Variants in UST observed in about 807,000 individuals in gnomAD.
UST encodes chondroitin sulfate 2-O-sulfotransferase.
Under a neutral mutation model 45.6 loss-of-function variants are expected in UST, and 21 were observed. The ratio of observed to expected loss-of-function variants is 0.46; its 90% confidence interval spans 0.33 to 0.66. The LOEUF is 0.66. Ranked by LOEUF, UST falls within the 30% of genes least tolerant of loss-of-function variation. The pLI, the probability that UST is intolerant of heterozygous loss-of-function variation, is 0.02. For missense variants in UST, 463 were observed against 512.4 expected (o/e 0.90, Z 0.93); for synonymous variants, 215 against 200.6 (o/e 1.07, Z -0.61).
intron 1 of UST, among the ~76,000 whole-genome samples, chr6:148,861,814 G>A (rs571000291): frequency 6.6e-6 from 1 of 152,168 alleles, no homozygotes; most frequent in Non-Finnish European, 1.5e-5. Flanking sequence ...GGTATTGCGG[G>A]TGTTCCTTAA....
chr6:148,880,853 C>A (rs1021396857), intron 1 of UST, among the ~76,000 whole-genome samples: 5 of 151,968 alleles, frequency 3.3e-5, no homozygotes, highest in Admixed American at 2.0e-4. Flanking sequence ...CATGGTGAAA[C>A]CCCATCTCTA....
chr6:148,797,214 C>G (rs1169476704), intron 1 of UST, among the ~76,000 whole-genome samples: 2 of 152,172 alleles, frequency 1.3e-5, no homozygotes, highest in Admixed American at 1.3e-4. Flanking sequence ...GAGTTCGAGG[C>G]TGCAGTCAGC....
chr6:148,964,472 C>T lies in UST; in HGVS notation c.590C>T (p.Ser197Phe). 1 of 1,614,144 alleles carries T rather than the reference C, an allele frequency of 6.2e-7. No individual in the cohort carries two copies. Among genetic ancestry groups the T allele is most frequent in the African/African-American group, 1.3e-5 (1 of 75,028 alleles). Residue 197 changes from serine to phenylalanine, a missense_variant, in exon 5 of 8, where the codon TCC (serine) becomes TTC (phenylalanine). This residue lies in a region of UST where 287 missense variants were observed against 374.2 expected (regional missense o/e 0.77). Coordinates refer to ENST00000367463, the MANE Select transcript of UST (RefSeq NM_005715.3). ...IIRDPVNRFL[S>F]NYFFRRFGDW... ...AGAGACCCCGTCAACCGGTTCTTATCCAACTATTTTTTCCGTCGCTTTGGA... is the reference window on the plus strand; with the variant it reads ...AGAGACCCCGTCAACCGGTTCTTATTCAACTATTTTTTCCGTCGCTTTGGA...
chr6:148,886,401 A>G lies in UST; in HGVS notation c.248-585A>G, dbSNP rs1778912836. On this transcript the variant is annotated intron_variant, in intron 1 of 7. Coordinates refer to ENST00000367463, the MANE Select transcript of UST (RefSeq NM_005715.3). ...CCTTCCAAATCCCTCTGAGTCTTTT[A>G]TTCATCAGGAAACAATAGCCGTGCA... 2.0e-5 allele frequency among the ~76,000 whole-genome samples: 3 copies of G among 152,244 alleles called. 1 individual carries two copies. The South Asian group carries it at 6.2e-4, about 31-fold the overall frequency.
intron 2 of UST, among the ~76,000 whole-genome samples, chr6:148,908,385 T>G (rs1779408397): frequency 6.6e-6 from 1 of 152,212 alleles, no homozygotes; most frequent in Non-Finnish European, 1.5e-5. Flanking sequence ...ACTTGGTGAT[T>G]ACTGTGTACT....
intron 1 of UST, among the ~76,000 whole-genome samples, chr6:148,780,218 A>G (rs993357007): frequency 6.6e-6 from 1 of 152,174 alleles, no homozygotes; most frequent in African/African-American, 2.4e-5. Flanking sequence ...TTAAAATAGT[A>G]AATGGAAGAT....
intron 1 of UST, among the ~76,000 whole-genome samples, chr6:148,862,206 G>C (rs1170787207): frequency 2.0e-5 from 3 of 152,190 alleles, no homozygotes; most frequent in African/African-American, 7.2e-5. Flanking sequence ...ATATATTTAG[G>C]ATAGTTAGCT....
At chr6:148,812,516 G>A (rs1777277356) in intron 1 of UST, among the ~76,000 whole-genome samples, 1 of 152,198 alleles carries the variant, frequency 6.6e-6, no homozygotes, top group Non-Finnish European at 1.5e-5. Flanking sequence ...GGTCTCTCAT[G>A]AGGTTGCAGT....
At chr6:148,800,140 T>C (rs1777029582) in intron 1 of UST, among the ~76,000 whole-genome samples, 1 of 152,208 alleles carries the variant, frequency 6.6e-6, no homozygotes, top group Admixed American at 6.5e-5. Flanking sequence ...AATGCTGGGC[T>C]TTGGCATCAG....
At chr6:149,005,464 C>A (rs1406812969) in intron 5 of UST, 1 of 985,284 alleles carries the variant, frequency 1.0e-6, no homozygotes, top group African/African-American at 1.7e-5. Flanking sequence ...GTCTCTCTGC[C>A]TCTCACCAAA....
intron 1 of UST, among the ~76,000 whole-genome samples, chr6:148,857,398 C>T (rs35018037): frequency 0.03 from 4,522 of 152,232 alleles, 85 homozygotes; most frequent in Middle Eastern, 0.078. Flanking sequence ...GAATGTATTA[C>T]GCCCACCGTA....
intron 7 of UST, among the ~76,000 whole-genome samples, chr6:149,068,141 C>T (rs1206749758): frequency 6.6e-6 from 1 of 152,130 alleles, no homozygotes; most frequent in Non-Finnish European, 1.5e-5. Flanking sequence ...TTGGGTGCCT[C>T]AGTCAGCAGG....
rs1307524356 is a variant in UST at position 148,747,234 on chromosome 6, C to T, written c.-197C>T. 1.8e-6 allele frequency: 1 copy of T among 544,438 alleles called. No homozygotes were observed. The allele number at this position is 544,438 out of a possible 1,614,324, so 33.7% of individuals were successfully genotyped here. On this transcript the variant is annotated 5_prime_UTR_variant, in exon 1 of 8. Transcript: ENST00000367463. ...CCGAACCGGGGCCGGACACCTCGGC[C>T]GCTCGGGCCGCGGCGGCGGGGACCA...
chr6:148,980,135 A>G (rs994705199), intron 5 of UST, among the ~76,000 whole-genome samples: 1 of 152,180 alleles, frequency 6.6e-6, no homozygotes, highest in Non-Finnish European at 1.5e-5. Flanking sequence ...AGTTTCGTAC[A>G]TCTTGCCTAA....
intron 1 of UST, among the ~76,000 whole-genome samples, chr6:148,864,198 C>A (rs967335186): frequency 2.0e-5 from 3 of 152,222 alleles, no homozygotes; most frequent in Non-Finnish European, 4.4e-5. Flanking sequence ...CAAGCCTCAG[C>A]AATGGCAGGC....
chr6:149,020,810 TAAAAC>T (rs776093821), intron 6 of UST, among the ~76,000 whole-genome samples: 7 of 152,040 alleles, frequency 4.6e-5, no homozygotes, highest in Admixed American at 1.3e-4. Flanking sequence ...ACAAACAAAA[TAAAAC>T]AAAACAAAAA....
At chr6:148,913,963 T>C (rs935967453) in intron 2 of UST, among the ~76,000 whole-genome samples, 2 of 152,150 alleles carry the variant, frequency 1.3e-5, no homozygotes, top group African/African-American at 4.8e-5. Context: ...TGAAGTCTAA[T>C]CCCCAGTGTG....
At position 148,819,064 on chromosome 6, in the gene UST, A is replaced by G. The variant is rs147227921; in HGVS notation, c.248-67922A>G. Among the ~76,000 whole-genome samples, 11 of 152,296 alleles carry G rather than the reference A, an allele frequency of 7.2e-5. No individual in the cohort carries two copies. The East Asian group carries it at 1.2e-3, about 16-fold the overall frequency. ...TAATACTCATTGAATTTTCACTTTCATGGAGAGGCTGCATTTGAAGCAAAA... is the reference window on the plus strand; with the variant it reads ...TAATACTCATTGAATTTTCACTTTCGTGGAGAGGCTGCATTTGAAGCAAAA... On this transcript the variant is annotated intron_variant, in intron 1 of 7. Transcript: ENST00000367463.
intron 2 of UST, among the ~76,000 whole-genome samples, chr6:148,936,021 A>C (rs1780019287): frequency 6.6e-6 from 1 of 152,244 alleles, no homozygotes; most frequent in South Asian, 2.1e-4. Context: ...TCTCTGTCAC[A>C]GAAGTCAAAC....
Sources: gnomAD v4.1 joint callset for allele counts (sites outside exome capture counted in the v4.1 genomes callset) on GRCh38, gnomAD v4.1.1 for gene constraint, gnomAD v4.1.1 regional missense constraint, MANE v1.5 for transcripts, NCBI Gene and HGNC (gene_info 2026-07-23, HGNC 2026-07-21) for gene names.